OC90: variants seen among roughly 807,000 people sequenced by gnomAD.
OC90 encodes the protein otoconin 90, also known as otoconin-90.
In OC90, 46 loss-of-function variants were observed where a neutral mutation model predicts 47.3. The ratio of observed to expected loss-of-function variants is 0.97; its 90% confidence interval spans 0.77 to 1.24. The LOEUF (loss-of-function observed/expected upper bound fraction) is 1.24, where lower values mean the gene tolerates loss of function less well. Among genes scored for constraint, OC90 ranks in the 50% most tolerant of loss-of-function variants. The pLI is 0.00. For missense variants in OC90, 688 were observed against 583.9 expected (o/e 1.18, Z -1.84); for synonymous variants, 271 against 219.5 (o/e 1.23, Z -2.07).
chr8:132,033,009 G>A (rs752722451), intron 11 of OC90, 30 bp downstream of exon 11: 2 of 1,600,184 alleles, frequency 1.2e-6, no homozygotes, highest in Non-Finnish European at 1.7e-6. Context: ...GATCCCAGCA[G>A]CGGAGAGGAC....
intron 9 of OC90, 117 bp from the exon 10 acceptor site, chr8:132,034,951 C>A: frequency 1.5e-6 from 1 of 683,338 alleles, no homozygotes; most frequent in Non-Finnish European, 2.6e-6. Flanking sequence ...CACTCTGCCC[C>A]TGGCCCACTT....
chr8:132,028,568 AAGG>A (rs1255387904), intron 13 of OC90, among the ~76,000 whole-genome samples: 7 of 23,750 alleles, frequency 2.9e-4, no homozygotes, highest in African/African-American at 6.8e-4. Flanking sequence ...GAAAGAAAGG[AAGG>A]AAGGAAGGAA....
At chr8:132,050,969 G>C (rs1353053451) in intron 2 of OC90, among the ~76,000 whole-genome samples, 1 of 152,062 alleles carries the variant, frequency 6.6e-6, no homozygotes, top group African/African-American at 2.4e-5. Context: ...ACTCCAACCT[G>C]GGCAACAAGA....
chr8:132,039,571 C>A (rs1455905870), intron 6 of OC90, among the ~76,000 whole-genome samples: 1 of 152,146 alleles, frequency 6.6e-6, no homozygotes, highest in Non-Finnish European at 1.5e-5. Flanking sequence ...CAGCGTCTTC[C>A]CACCTCAACC....
rs1822721839 is a variant in OC90 at position 132,024,351 on chromosome 8, T to A, written c.*130A>T. The A allele has an allele frequency of 1.3e-6, 1 of 747,464 alleles. No homozygotes were observed. Among genetic ancestry groups the A allele is most frequent in the Non-Finnish European group, 2.1e-6 (1 of 478,050 alleles). The allele number at this position is 747,464 out of a possible 1,614,324, so 46.3% of individuals were successfully genotyped here. ...AGGCATGGGCAGGGCTCACGGCCTC[T>A]GTTCCCTCCCCGCCTCTGAGTTAAA... On this transcript the variant is annotated 3_prime_UTR_variant, in exon 14 of 14. Transcript: ENST00000254627.
intron 2 of OC90, among the ~76,000 whole-genome samples, chr8:132,047,116 TGAGA>T (rs748616762): frequency 2.6e-5 from 4 of 152,210 alleles, no homozygotes; most frequent in Non-Finnish European, 5.9e-5. Context: ...AACGCATAAC[TGAGA>T]GAGTCACTGA....
At chr8:132,027,795 C>T (rs1501058) in intron 13 of OC90, among the ~76,000 whole-genome samples, 32,924 of 152,116 alleles carry the variant, frequency 0.22, 3,926 homozygotes, top group South Asian at 0.3. Flanking sequence ...CAGCCAGGGC[C>T]AGTCCCCCAT....
Position 132,031,374 on chromosome 8 carries a change from C to T in OC90, c.1031+507G>A, listed in dbSNP as rs575137463. Among the ~76,000 whole-genome samples the T allele has an allele frequency of 7.2e-5, 11 of 152,204 alleles. No homozygotes were observed. In the South Asian group the frequency reaches 8.3e-4, roughly 11 times the overall value. ...TACATTAATAAGTGCATGAGGTCAACGAAAATTCTTTCAAGAGTGGTACAC... is the reference window on the plus strand; with the variant it reads ...TACATTAATAAGTGCATGAGGTCAATGAAAATTCTTTCAAGAGTGGTACAC... On this transcript the variant is annotated intron_variant, in intron 12 of 13. Coordinates refer to ENST00000254627, the MANE Select transcript of OC90 (RefSeq NM_001080399.3).
In OC90 at chr8:132,036,452, G is replaced by C. The variant is rs763492523; in HGVS notation, c.679+986C>G. The stretch of plus-strand genomic sequence containing the variant: ...AGAAATCACCCGATTTTAATGATCA[G>C]TTCAGCTAGGTGCCAAAGCCAAACA... On this transcript the variant is annotated intron_variant, in intron 9 of 13. Coordinates refer to ENST00000254627, the MANE Select transcript of OC90 (RefSeq NM_001080399.3). The C allele has an allele frequency of 9.0e-6, 7 of 779,772 alleles. No individual in the cohort carries two copies. The Admixed American group carries it at 1.2e-4, about 13-fold the overall frequency. 48.3% of individuals were successfully genotyped at this position (779,772 alleles called of 1,614,324 possible). A position where few individuals can be genotyped will look rare whatever the true frequency, so the allele number is the denominator to read the frequency against.
At chr8:132,038,726 C>T in intron 8 of OC90, 64 bp downstream of exon 8, 1 of 1,302,334 alleles carries the variant, frequency 7.7e-7, no homozygotes. Flanking sequence ...GAGGTGTATC[C>T]ACCGGCTCCC....
intron 2 of OC90, chr8:132,049,766 T>C (rs766535035): frequency 4.0e-6 from 2 of 499,120 alleles, no homozygotes; most frequent in East Asian, 1.1e-4. Flanking sequence ...GTTGCATTTC[T>C]CAGCTTGAGC....
chr8:132,028,672 CAG>C (rs1244658751), intron 13 of OC90, among the ~76,000 whole-genome samples: 2 of 51,248 alleles, frequency 3.9e-5, no homozygotes, highest in African/African-American at 8.8e-5. Flanking sequence ...GAAAGAGAGA[CAG>C]AAAGAAAGAA....
At chr8:132,032,918 G>T in intron 11 of OC90, 121 bp downstream of exon 11, 1 of 1,119,312 alleles carries the variant, frequency 8.9e-7, no homozygotes, top group Non-Finnish European at 1.2e-6. Flanking sequence ...TCAGGGGGAT[G>T]ATGTCTTCTC....
intron 4 of OC90, among the ~76,000 whole-genome samples, chr8:132,042,451 G>A (rs1189825432): frequency 2.0e-5 from 3 of 152,112 alleles, no homozygotes; most frequent in Admixed American, 6.5e-5. Context: ...TTGATACTGA[G>A]GCTCGGGGTC....
At chr8:132,032,371 G>C (rs1822889666) in intron 11 of OC90, among the ~76,000 whole-genome samples, 1 of 152,138 alleles carries the variant, frequency 6.6e-6, no homozygotes, top group Non-Finnish European at 1.5e-5. Flanking sequence ...TTACTGAGTA[G>C]ACCTGGCATC....
intron 2 of OC90, among the ~76,000 whole-genome samples, chr8:132,054,095 A>G (rs1351787236): frequency 6.6e-6 from 1 of 152,146 alleles, no homozygotes; most frequent in Non-Finnish European, 1.5e-5. Flanking sequence ...AGCATAACTG[A>G]CCAAGGGCCT....
intron 1 of OC90, among the ~76,000 whole-genome samples, chr8:132,058,899 C>T (rs1189657273): frequency 1.3e-5 from 2 of 152,038 alleles, no homozygotes; most frequent in East Asian, 1.9e-4. Flanking sequence ...TTTCACAGAT[C>T]GACTCAGAGC....
At position 132,024,789 on chromosome 8, in the gene OC90, G is replaced by C; in HGVS notation, c.1139-13C>G. Reference sequence around the variant, plus strand: ...CTTTGGCCCCCACCTTAGAAGGAAAGAGCAGAGTAGAAGCCATGAGACCTC... The same window carrying C: ...CTTTGGCCCCCACCTTAGAAGGAAACAGCAGAGTAGAAGCCATGAGACCTC... On this transcript the variant is annotated splice_polypyrimidine_tract_variant and intron_variant, in intron 13 of 13. Transcript: ENST00000254627. 2 of 1,602,914 alleles carry C rather than the reference G, an allele frequency of 1.2e-6. No homozygotes were observed. The highest frequency in any genetic ancestry group is 1.7e-6 in the Non-Finnish European group (2 of 1,174,100).
chr8:132,034,680 TG>T, intron 10 of OC90, 100 bp downstream of exon 10: 1 of 779,760 alleles, frequency 1.3e-6, no homozygotes, highest in Non-Finnish European at 2.1e-6. Flanking sequence ...GACAAGGTCA[TG>T]GTGCATTTCA....
Sources: gnomAD v4.1 joint callset for allele counts (sites outside exome capture counted in the v4.1 genomes callset) on GRCh38, gnomAD v4.1.1 for gene constraint, MANE v1.5 for transcripts, NCBI Gene and HGNC (gene_info 2026-07-23, HGNC 2026-07-21) for gene names.